VPS35L: variants seen among roughly 807,000 people sequenced by gnomAD.
VPS35L encodes the protein VPS35 endosomal protein-sorting factor-like.
Under a neutral mutation model 133.0 loss-of-function variants are expected in VPS35L, and 83 were observed. That is an observed-to-expected ratio of 0.62 (90% confidence interval 0.52 to 0.75). VPS35L has a LOEUF of 0.75. Among genes scored for constraint, VPS35L ranks in the 30% least tolerant of loss-of-function variants. The pLI is 0.00. For missense variants in VPS35L, 1,083 were observed against 1,206.8 expected (o/e 0.90, Z 1.52); for synonymous variants, 423 against 449.9 (o/e 0.94, Z 0.76).
chr16:19,568,340 G>A (rs1055964991), intron 2 of VPS35L, among the ~76,000 whole-genome samples: 51 of 146,826 alleles, frequency 3.5e-4, no homozygotes, highest in African/African-American at 1.1e-3. Context: ...TCACTGTATC[G>A]CCCAGCTGGA....
intron 29 of VPS35L, among the ~76,000 whole-genome samples, chr16:19,697,885 C>A (rs1975972161): frequency 6.6e-6 from 1 of 152,210 alleles, no homozygotes; most frequent in South Asian, 2.1e-4. Context: ...GGACTCCCCT[C>A]TGCATTGTGA....
chr16:19,665,751 C>T (rs1401841047), intron 26 of VPS35L, among the ~76,000 whole-genome samples: 4 of 152,132 alleles, frequency 2.6e-5, no homozygotes, highest in Non-Finnish European at 4.4e-5. Context: ...CAGAAACCTC[C>T]GAATTGTTCT....
intron 7 of VPS35L, among the ~76,000 whole-genome samples, chr16:19,584,633 A>G (rs1567400781): frequency 6.6e-6 from 1 of 151,616 alleles, no homozygotes; most frequent in Non-Finnish European, 1.5e-5. Flanking sequence ...GTCTCAAAAA[A>G]AAAAAAAAAA....
chr16:19,589,845 A>T (rs1396473965), intron 7 of VPS35L, among the ~76,000 whole-genome samples: 1 of 151,986 alleles, frequency 6.6e-6, no homozygotes, highest in Non-Finnish European at 1.5e-5. Context: ...CTCTCACCTC[A>T]CCAGTGGGCA....
intron 5 of VPS35L, among the ~76,000 whole-genome samples, chr16:19,577,833 C>A (rs916904931): frequency 6.6e-6 from 1 of 152,188 alleles, no homozygotes; most frequent in Non-Finnish European, 1.5e-5. Context: ...ATCTATGAAC[C>A]CAACCGGAAA....
rs118123834 is a variant in VPS35L, at chr16:19,567,933, G to C, written c.118-1491G>C. Among the ~76,000 whole-genome samples, 898 of 149,920 alleles carry C rather than the reference G, an allele frequency of 6.0e-3. 6 individuals are homozygous for C. Among genetic ancestry groups the C allele is most frequent in the Non-Finnish European group, 9.4e-3 (635 of 67,746 alleles). ...TACAGTGAACCGTGATCACACCATT[G>C]CACTCCAGGCTTAGTGACAAAGCGA... On this transcript the variant is annotated intron_variant, in intron 2 of 30. Coordinates refer to ENST00000417362, the MANE Select transcript of VPS35L (RefSeq NM_020314.7).
Position 19,608,194 on chromosome 16 carries a change from G to T in VPS35L, c.801G>T (p.Glu267Asp). 1 of 1,613,178 alleles carries T rather than the reference G, an allele frequency of 6.2e-7. No homozygotes were observed. Among genetic ancestry groups the T allele is most frequent in the Non-Finnish European group, 8.5e-7 (1 of 1,179,364 alleles). Residue 267 changes from glutamate to aspartate, a missense_variant, in exon 10 of 31, where the codon GAG becomes GAT. Physicochemically the swap from Glu to Asp is conservative, Grantham distance 45 (BLOSUM62 2). Coordinates refer to ENST00000417362, the MANE Select transcript of VPS35L (RefSeq NM_020314.7). ...GTATTACAGATCACTTTTCTCCAGA[G>T]AATGCAAATGACACGGCCAAGGAAA... is the stretch of plus-strand genomic sequence containing the variant. ...RSVLPDHFSP[E>D]NANDTAKETC...
chr16:19,627,697 CT>C lies in VPS35L; in HGVS notation c.1277del (p.Leu426CysfsTer3). 1 of 1,612,256 alleles carries C rather than the reference CT, an allele frequency of 6.2e-7. No homozygotes were observed. The highest frequency in any genetic ancestry group is 8.5e-7 in the Non-Finnish European group (1 of 1,178,396). On this transcript the variant is annotated frameshift_variant, in exon 16 of 31. Coordinates refer to ENST00000417362, the MANE Select transcript of VPS35L (RefSeq NM_020314.7). LOFTEE classifies it high-confidence loss of function. Reference sequence around the variant, plus strand: ...CTTGGGGATCTGTGTCTTGCAGTGCCTTGCTGTTGAATTCTGTGATGTCTGC... The same window carrying C: ...CTTGGGGATCTGTGTCTTGCAGTGCCTGCTGTTGAATTCTGTGATGTCTGC... ...ERCKKLGNNA[L>X]LLNSVMSAFR...
chr16:19,591,444 G>A (rs1267407343), intron 7 of VPS35L, among the ~76,000 whole-genome samples: 9 of 151,932 alleles, frequency 5.9e-5, no homozygotes, highest in Non-Finnish European at 1.2e-4. Context: ...GGCCGGGTGC[G>A]GTGGCTCACG....
chr16:19,697,829 G>C (rs1326236715), intron 29 of VPS35L, among the ~76,000 whole-genome samples: 1 of 152,212 alleles, frequency 6.6e-6, no homozygotes, highest in East Asian at 1.9e-4. Context: ...GCCTGGAGAG[G>C]GCTGTGAGTA....
At chr16:19,626,638 T>C (rs1384677043) in intron 15 of VPS35L, among the ~76,000 whole-genome samples, 7 of 152,054 alleles carry the variant, frequency 4.6e-5, no homozygotes, top group Non-Finnish European at 4.4e-5. Flanking sequence ...GGTGTATGCC[T>C]GTAGTCGCAG....
intron 27 of VPS35L, among the ~76,000 whole-genome samples, chr16:19,676,972 G>A (rs1975083880): frequency 6.6e-6 from 1 of 152,152 alleles, no homozygotes; most frequent in Admixed American, 6.5e-5. Flanking sequence ...AGCTTCTCAG[G>A]AGGCTGAGGC....
intron 1 of VPS35L, among the ~76,000 whole-genome samples, chr16:19,559,525 C>G (rs922593326): frequency 6.6e-6 from 1 of 152,142 alleles, no homozygotes; most frequent in Non-Finnish European, 1.5e-5. Context: ...AAAATGCCCA[C>G]AAGAGGTCGC....
In VPS35L at chr16:19,652,071, C is replaced by G; in HGVS notation, c.2202C>G (p.Ala734=). 1 of 1,601,320 alleles carries G rather than the reference C, an allele frequency of 6.2e-7. No homozygotes were observed. The highest frequency in any genetic ancestry group is 8.5e-7 in the Non-Finnish European group (1 of 1,170,828). Residue 734 remains alanine, a synonymous_variant, in exon 26 of 31, where the codon GCC becomes GCG. Transcript: ENST00000417362. ...LYLHSGQVAL[A]NQCLSQADAF... ...TGCATTCTGGTCAGGTGGCCTTGGC[C>G]AACCAGTGCCTCTCCCAAGGTAAGT...
intron 23 of VPS35L, among the ~76,000 whole-genome samples, chr16:19,647,542 T>C (rs1021546290): frequency 6.6e-6 from 1 of 152,202 alleles, no homozygotes. Flanking sequence ...TTATGTTCTG[T>C]GAAAAGGCCA....
At chr16:19,698,213 T>A (rs937921956) in intron 29 of VPS35L, among the ~76,000 whole-genome samples, 3 of 152,230 alleles carry the variant, frequency 2.0e-5, no homozygotes, top group African/African-American at 7.2e-5. Context: ...CGTGTGATCA[T>A]GGACTGAGAT....
At chr16:19,617,177 A>G (rs1972923304) in intron 14 of VPS35L, 2 of 539,826 alleles carry the variant, frequency 3.7e-6, no homozygotes, top group South Asian at 5.0e-5. Context: ...GCAACATAGC[A>G]AAACTCCATC....
chr16:19,632,048 G>A (rs1007444242), intron 18 of VPS35L, among the ~76,000 whole-genome samples: 5 of 151,862 alleles, frequency 3.3e-5, no homozygotes, highest in Non-Finnish European at 5.9e-5. Context: ...TGCAACCTCC[G>A]CCTCCTGGGT....
At chr16:19,599,261 C>G (rs115288899) in intron 8 of VPS35L, among the ~76,000 whole-genome samples, 4,787 of 152,260 alleles carry the variant, frequency 0.031, 254 homozygotes, top group African/African-American at 0.11. Context: ...GCATCCAGAC[C>G]ATTTAGAAGA....
Sources: allele counts gnomAD v4.1 joint callset (sites outside exome capture counted in the v4.1 genomes callset), GRCh38; gene constraint gnomAD v4.1.1; transcripts MANE v1.5; gene names NCBI Gene and HGNC (gene_info 2026-07-23, HGNC 2026-07-21).